NME5: variants seen among roughly 807,000 people sequenced by gnomAD.
NME5 encodes nucleoside diphosphate kinase 5.
A neutral mutation model predicts 21.6 loss-of-function variants in NME5; 18 were observed. That is an observed-to-expected ratio of 0.83 (90% CI 0.58 to 1.24). The LOEUF is 1.24. NME5 is among the 50% of genes most tolerant of loss of function. NME5 has a pLI of 0.00. For synonymous variants in NME5, 70 were observed against 80.6 expected, an observed-to-expected ratio of 0.87 and a Z score of 0.71; for missense variants, 223 against 255.4, an observed-to-expected ratio of 0.87 and a Z score of 0.86.
intron 2 of NME5, among the ~76,000 whole-genome samples, chr5:138,132,372 T>C (rs1751591114): frequency 6.6e-6 from 1 of 152,056 alleles, no homozygotes; most frequent in Non-Finnish European, 1.5e-5. Context: ...AAATTATTTA[T>C]TACTGCTGTT....
At chr5:138,119,186 C>T (rs1323824126) in intron 4 of NME5, among the ~76,000 whole-genome samples, 3 of 151,864 alleles carry the variant, frequency 2.0e-5, no homozygotes, top group Non-Finnish European at 2.9e-5. Context: ...ATCACCACAC[C>T]CTGCTAATTT....
In NME5 at chr5:138,128,573, C is replaced by T. The variant is rs775415973; in HGVS notation, c.342G>A (p.Arg114=). The change falls in exon 4 of 6, where the codon AGG becomes AGA. Residue 114 remains arginine (R), a synonymous_variant. Transcript: ENST00000265191. ...TTAGGTCATCTGTGCCATAAATTGC[C>T]CTCAGACTAAAAACAAGTTAGAGAT... The part of the protein sequence containing the change: ...VAKETHPDSL[R]AIYGTDDLRN... 2 of 1,608,758 alleles carry T rather than the reference C, an allele frequency of 1.2e-6. No individual in the cohort carries two copies. The highest frequency in any genetic ancestry group is 2.2e-5 in the South Asian group (2 of 90,062).
chr5:138,120,637 G>A (rs1751267047), intron 4 of NME5, among the ~76,000 whole-genome samples: 1 of 152,128 alleles, frequency 6.6e-6, no homozygotes, highest in African/African-American at 2.4e-5. Flanking sequence ...TGCTTTTGAT[G>A]TCATTTTAAG....
chr5:138,129,219 AGAT>A (rs1199065613), intron 3 of NME5, 41 bp downstream of exon 3: 2 of 1,321,900 alleles, frequency 1.5e-6, no homozygotes, highest in African/African-American at 1.5e-5. Flanking sequence ...TCATTTTCAC[AGAT>A]GGATTCCATT....
intron 2 of NME5, among the ~76,000 whole-genome samples, chr5:138,133,454 G>A (rs532654100): frequency 1.3e-5 from 2 of 152,166 alleles, no homozygotes; most frequent in African/African-American, 4.8e-5. Context: ...TTATTCCATT[G>A]GTTGCTTTAA....
At chr5:138,126,638 A>T (rs2151163447) in intron 4 of NME5, among the ~76,000 whole-genome samples, 1 of 151,870 alleles carries the variant, frequency 6.6e-6, no homozygotes, top group African/African-American at 2.4e-5. Context: ...ATGAAATTTT[A>T]TCCTGTTTTA....
At chr5:138,129,215 TCACA>T in intron 3 of NME5, 44 bp downstream of exon 3, 1 of 1,342,784 alleles carries the variant, frequency 7.4e-7, no homozygotes, top group Non-Finnish European at 1.0e-6. Flanking sequence ...TTTTTCATTT[TCACA>T]GATGGATTCC....
At position 138,115,569 on chromosome 5, in the gene NME5, A is replaced by G; in HGVS notation, c.*112T>C. On this transcript the variant is annotated 3_prime_UTR_variant, in exon 6 of 6. Transcript: ENST00000265191. ...CTTTAACACTTATTTTTAAGAAATAAATTTATTTTACTTGTAGTTACTTAA... is the reference window on the plus strand; with the variant it reads ...CTTTAACACTTATTTTTAAGAAATAGATTTATTTTACTTGTAGTTACTTAA... 1 of 570,120 alleles carries G rather than the reference A, an allele frequency of 1.8e-6. No individual in the cohort carries two copies. The highest frequency in any genetic ancestry group is 2.9e-6 in the Non-Finnish European group (1 of 341,944). The allele number at this position is 570,120 out of a possible 1,614,324, so 35.3% of individuals were successfully genotyped here.
chr5:138,127,964 A>T (rs568072939), intron 4 of NME5, among the ~76,000 whole-genome samples: 1 of 152,348 alleles, frequency 6.6e-6, no homozygotes, highest in Admixed American at 6.5e-5. Context: ...CTGCAATCCC[A>T]GCACTTTGAG....
At chr5:138,128,785 G>C (rs1751492424) in intron 3 of NME5, 2 of 449,902 alleles carry the variant, frequency 4.4e-6, no homozygotes, top group South Asian at 9.8e-5. Flanking sequence ...GGAATACACT[G>C]AGAAAATAGG....
At chr5:138,138,525 C>G in intron 2 of NME5, 127 bp downstream of exon 2, 2 of 763,840 alleles carry the variant, frequency 2.6e-6, no homozygotes, top group Non-Finnish European at 4.1e-6. Flanking sequence ...AACTTTTATA[C>G]TTAGAAGAAT....
intron 4 of NME5, among the ~76,000 whole-genome samples, chr5:138,120,676 AT>A (rs1244621508): frequency 6.6e-6 from 1 of 152,052 alleles, no homozygotes; most frequent in African/African-American, 2.4e-5. Context: ...AGTTACAAAG[AT>A]TTTCTTGTTT....
chr5:138,116,713 G>A (rs972836436), intron 5 of NME5: 9 of 153,550 alleles, frequency 5.9e-5, no homozygotes, highest in East Asian at 3.9e-4. Flanking sequence ...ATAAACCCAC[G>A]CATCTATGGT....
intron 4 of NME5, chr5:138,123,129 A>G (rs1325427990): frequency 6.6e-6 from 1 of 152,172 alleles, no homozygotes; most frequent in African/African-American, 2.4e-5. Flanking sequence ...TTTTTAATAG[A>G]TAAGAAATAT....
chr5:138,119,190 C>A lies in NME5; in HGVS notation c.437-254G>T, dbSNP rs188385181. On this transcript the variant is annotated intron_variant, in intron 4 of 5. Transcript: ENST00000265191. ...TACAGGTCCGCATCACCACACCCTG[C>A]TAATTTTTGTATTTTTATTTATTTT... Among the ~76,000 whole-genome samples, 12 of 151,794 alleles carry A rather than the reference C, an allele frequency of 7.9e-5. No individual in the cohort carries two copies. In the East Asian group the frequency reaches 2.3e-3, roughly 29 times the overall value.
chr5:138,129,937 A>G (rs1272858243), intron 2 of NME5, among the ~76,000 whole-genome samples: 1 of 152,236 alleles, frequency 6.6e-6, no homozygotes, highest in Admixed American at 6.5e-5. Context: ...AGCCCGGGCG[A>G]CAGAGAAAAA....
intron 2 of NME5, among the ~76,000 whole-genome samples, chr5:138,130,887 C>G (rs1751547124): frequency 1.3e-5 from 2 of 151,522 alleles, no homozygotes; most frequent in African/African-American, 4.9e-5. Flanking sequence ...GATTGCACCT[C>G]TCCACTCCAG....
chr5:138,134,997 C>T (rs1004651207), intron 2 of NME5, among the ~76,000 whole-genome samples: 3 of 150,612 alleles, frequency 2.0e-5, no homozygotes, highest in South Asian at 2.1e-4. Context: ...GCCACCGCGC[C>T]CGGCCGTCAC....
Position 138,123,985 on chromosome 5 carries a change from C to CTTTTT in NME5, c.436+4489_436+4493dup, listed in dbSNP as rs70979583. ...CCCTGATGATTAGTGATTTTGAGCA[C>CTTTTT]TTTTTTTTTTTTTTTTTTTTTTTTT... On this transcript the variant is annotated intron_variant, in intron 4 of 5. Coordinates refer to ENST00000265191, the MANE Select transcript of NME5 (RefSeq NM_003551.3). Among the ~76,000 whole-genome samples, 12 of 37,248 alleles carry CTTTTT rather than the reference C, an allele frequency of 3.2e-4. 4 individuals are homozygous for CTTTTT. The highest frequency in any genetic ancestry group is 3.8e-4 in the Non-Finnish European group (9 of 23,478). 24.4% of individuals were successfully genotyped at this position (37,248 alleles called of 152,430 possible). A position where few individuals can be genotyped will look rare whatever the true frequency, so the allele number is the denominator to read the frequency against.
Sources: allele counts gnomAD v4.1 joint callset (sites outside exome capture counted in the v4.1 genomes callset), GRCh38; gene constraint gnomAD v4.1.1; transcripts MANE v1.5; gene names NCBI Gene and HGNC (gene_info 2026-07-23, HGNC 2026-07-21).